RNF135: variants seen among roughly 807,000 people sequenced by gnomAD.
RNF135 encodes E3 ubiquitin-protein ligase RNF135.
In RNF135, 46 loss-of-function variants were observed where a neutral mutation model predicts 41.9. That is an observed-to-expected ratio of 1.10 (90% confidence interval 0.87 to 1.40). The LOEUF (loss-of-function observed/expected upper bound fraction) is 1.40. Among genes scored for constraint, RNF135 ranks in the 40% most tolerant of loss-of-function variants. The pLI is 0.00. For missense variants in RNF135, 539 were observed against 549.8 expected, an observed-to-expected ratio of 0.98 and a Z score of 0.20; for synonymous variants, 238 against 223.8, an observed-to-expected ratio of 1.06 and a Z score of -0.57.
the RNF135 span, among the ~76,000 whole-genome samples, chr17:30,962,633 T>C: frequency 6.6e-6 from 1 of 151,914 alleles, no homozygotes; most frequent in Admixed American, 6.6e-5. Context: ...CCCGGCTACT[T>C]TTTTGTATTT....
chr17:30,983,944 C>G (rs1907407949), intron 1 of RNF135, among the ~76,000 whole-genome samples: 1 of 152,038 alleles, frequency 6.6e-6, no homozygotes, highest in Admixed American at 6.6e-5. Flanking sequence ...TTTCAAAATT[C>G]AGTTGTTTGT....
In RNF135 at chr17:30,994,640, T is replaced by C. The variant is rs1168662042; in HGVS notation, c.680-2602T>C. On this transcript the variant is annotated intron_variant, in intron 3 of 4. Coordinates refer to ENST00000328381, the MANE Select transcript of RNF135 (RefSeq NM_032322.4). ...TTTTTTGTAACTTTATTTTATTTTA[T>C]TTTTTTTTTTGAGACAGAGTTTCAC... is the stretch of plus-strand genomic sequence containing the variant. Among the ~76,000 whole-genome samples the C allele has an allele frequency of 1.1e-4, 16 of 148,036 alleles. No homozygotes were observed. The Admixed American group carries it at 1.1e-3, about 10-fold the overall frequency.
intron 2 of RNF135, among the ~76,000 whole-genome samples, chr17:30,986,493 C>A (rs1362885655): frequency 6.6e-6 from 1 of 152,228 alleles, no homozygotes; most frequent in Non-Finnish European, 1.5e-5. Context: ...CATTGCCTGG[C>A]TGATGCTTTT....
intron 1 of RNF135, chr17:30,973,112 G>A (rs1228791080): frequency 6.6e-6 from 1 of 152,166 alleles, no homozygotes; most frequent in Admixed American, 6.6e-5. Context: ...AATGACTAAT[G>A]ATGTTGCCCA....
the RNF135 span, among the ~76,000 whole-genome samples, chr17:30,961,580 A>G: frequency 6.6e-6 from 1 of 151,948 alleles, no homozygotes; most frequent in Non-Finnish European, 1.5e-5. Context: ...CTTCTGCCTC[A>G]GCCTCCTGAG....
chr17:30,965,031 T>C, the RNF135 span: 1 of 152,044 alleles, frequency 6.6e-6, no homozygotes, highest in Non-Finnish European at 1.5e-5. Context: ...GTCACAGGGA[T>C]GGGTGTTAAC....
chr17:30,975,527 T>G, intron 1 of RNF135: 1 of 778,280 alleles, frequency 1.3e-6, no homozygotes, highest in South Asian at 1.3e-5. Flanking sequence ...CCCTCAGAAA[T>G]AAATGGCCTC....
At chr17:30,988,924 C>CTTTTTT (rs572603845) in intron 3 of RNF135, among the ~76,000 whole-genome samples, 3 of 99,932 alleles carry the variant, frequency 3.0e-5, no homozygotes, top group African/African-American at 4.1e-5. Context: ...TTCTTTCTTT[C>CTTTTTT]TTTTTTTTTT....
intron 2 of RNF135, among the ~76,000 whole-genome samples, chr17:30,985,030 A>G (rs1907489629): frequency 6.6e-6 from 1 of 152,218 alleles, no homozygotes; most frequent in Middle Eastern, 3.4e-3. Flanking sequence ...GCCTGTCTCT[A>G]TAAGCGTTCT....
At chr17:30,969,489 C>G (rs746271955), upstream of RNF135, among the ~76,000 whole-genome samples, 1 of 152,150 alleles carries the variant, frequency 6.6e-6, no homozygotes, top group Admixed American at 6.6e-5. Context: ...CACTCAGTGA[C>G]CCAGGTCACC....
chr17:30,966,335 C>A (rs916407669), upstream of RNF135, among the ~76,000 whole-genome samples: 1 of 142,620 alleles, frequency 7.0e-6, no homozygotes, highest in Non-Finnish European at 1.5e-5. Context: ...TTTATTTGAT[C>A]TTTTTTAATT....
intron 2 of RNF135, among the ~76,000 whole-genome samples, chr17:30,987,566 G>A (rs1907679604): frequency 6.6e-6 from 1 of 152,148 alleles, no homozygotes; most frequent in Non-Finnish European, 1.5e-5. Flanking sequence ...GTTTATCTCA[G>A]TAACTATCTG....
chr17:30,995,114 A>G (rs978310174), intron 3 of RNF135, among the ~76,000 whole-genome samples: 1 of 151,584 alleles, frequency 6.6e-6, no homozygotes, highest in Non-Finnish European at 1.5e-5. Context: ...TTTGGCCGGG[A>G]CAGTGGCTTA....
At chr17:30,984,786 A>T (rs765199104) in intron 2 of RNF135, 26 bp downstream of exon 2, 2 of 1,613,430 alleles carry the variant, frequency 1.2e-6, no homozygotes, top group South Asian at 2.2e-5. Context: ...AGAGGAAAGG[A>T]TGTGGAAGGG....
At chr17:30,997,580 T>C (rs951625599) in intron 4 of RNF135, 1 of 575,698 alleles carries the variant, frequency 1.7e-6, no homozygotes, top group African/African-American at 1.9e-5. Flanking sequence ...GCCAACTGCC[T>C]GTTCCCAAAC....
At chr17:30,997,912 T>G (rs1428191763) in intron 4 of RNF135, among the ~76,000 whole-genome samples, 1 of 152,220 alleles carries the variant, frequency 6.6e-6, no homozygotes, top group Non-Finnish European at 1.5e-5. Context: ...TGTATAAGTG[T>G]TAGCAATTTA....
At chr17:30,988,924 C>CTTTTTTTTTTTTT (rs572603845) in intron 3 of RNF135, among the ~76,000 whole-genome samples, 8 of 99,906 alleles carry the variant, frequency 8.0e-5, no homozygotes, top group South Asian at 3.3e-4. Context: ...TTCTTTCTTT[C>CTTTTTTTTTTTTT]TTTTTTTTTT....
At chr17:30,979,633 C>T (rs1338447620) in intron 1 of RNF135, among the ~76,000 whole-genome samples, 4 of 127,500 alleles carry the variant, frequency 3.1e-5, no homozygotes, top group Non-Finnish European at 5.0e-5. Context: ...CCTCACCTCC[C>T]GGACGGGGCG....
intron 2 of RNF135, among the ~76,000 whole-genome samples, chr17:30,985,076 A>G (rs1412690957): frequency 6.6e-6 from 1 of 152,152 alleles, no homozygotes; most frequent in Non-Finnish European, 1.5e-5. Flanking sequence ...GCAGCCTTTG[A>G]CACTGTGGAC....
Sources: gnomAD v4.1 joint callset for allele counts (sites outside exome capture counted in the v4.1 genomes callset) on GRCh38, gnomAD v4.1.1 for gene constraint, MANE v1.5 for transcripts, NCBI Gene and HGNC (gene_info 2026-07-23, HGNC 2026-07-21) for gene names.